Variants in ERICH6 observed in about 807,000 individuals in gnomAD.
ERICH6 encodes glutamate-rich protein 6.
In ERICH6, 71 loss-of-function variants were observed where a neutral mutation model predicts 71.0. The observed-to-expected ratio is 1.00, with a 90% CI of 0.83 to 1.22. ERICH6 has a LOEUF of 1.22. Among genes scored for constraint, ERICH6 ranks in the 50% most tolerant of loss-of-function variants. ERICH6 has a pLI of 0.00. For missense variants in ERICH6, 808 were observed against 797.2 expected (o/e 1.01, Z -0.16); for synonymous variants, 262 against 278.4 (o/e 0.94, Z 0.59).
intron 11 of ERICH6, among the ~76,000 whole-genome samples, chr3:150,670,187 T>C (rs1386214817): frequency 6.6e-6 from 1 of 152,060 alleles, no homozygotes; most frequent in Non-Finnish European, 1.5e-5. Context: ...AACATCGCAC[T>C]ATTAATAGAT....
intron 3 of ERICH6, among the ~76,000 whole-genome samples, chr3:150,691,038 G>A (rs372743691): frequency 7.2e-5 from 11 of 152,262 alleles, no homozygotes; most frequent in East Asian, 3.9e-4. Context: ...CTAGTTCAGC[G>A]TATGCCCAGG....
At chr3:150,675,584 G>T (rs896883883) in intron 10 of ERICH6, among the ~76,000 whole-genome samples, 1 of 152,106 alleles carries the variant, frequency 6.6e-6, no homozygotes, top group East Asian at 1.9e-4. Context: ...CCCTACCTTA[G>T]GTGGTCTGCC....
chr3:150,698,976 C>A (rs1477597795), intron 2 of ERICH6, 94 bp from the exon 3 acceptor site: 2 of 736,542 alleles, frequency 2.7e-6, no homozygotes, highest in East Asian at 5.2e-5. Flanking sequence ...AATTAATGCA[C>A]GTAGAAAATA....
chr3:150,679,852 T>C (rs908019099), intron 9 of ERICH6, among the ~76,000 whole-genome samples: 3 of 152,158 alleles, frequency 2.0e-5, no homozygotes, highest in Non-Finnish European at 2.9e-5. Context: ...GAGATGGGGT[T>C]TCACTATGTT....
At chr3:150,686,404 G>A in intron 3 of ERICH6, 50 bp from the exon 4 acceptor site, 1 of 1,516,992 alleles carries the variant, frequency 6.6e-7, no homozygotes, top group Non-Finnish European at 9.1e-7. Flanking sequence ...TAGAAAAGAA[G>A]CTGAATATAA....
At chr3:150,677,572 C>T (rs1711709089) in intron 10 of ERICH6, among the ~76,000 whole-genome samples, 1 of 151,926 alleles carries the variant, frequency 6.6e-6, no homozygotes, top group Admixed American at 6.6e-5. Context: ...TCTCGGTTCA[C>T]TGCAACCTCC....
chr3:150,692,071 T>C (rs1712461284), intron 3 of ERICH6, among the ~76,000 whole-genome samples: 1 of 152,190 alleles, frequency 6.6e-6, no homozygotes, highest in Non-Finnish European at 1.5e-5. Context: ...CACACTGATA[T>C]AAGACTAGCA....
At chr3:150,673,034 A>G (rs1711527350) in intron 11 of ERICH6, among the ~76,000 whole-genome samples, 1 of 151,982 alleles carries the variant, frequency 6.6e-6, no homozygotes, top group Non-Finnish European at 1.5e-5. Context: ...TAAAAAAACA[A>G]TAGTAATAAA....
chr3:150,662,163 C>T (rs1314426008), intron 13 of ERICH6, among the ~76,000 whole-genome samples: 2 of 152,124 alleles, frequency 1.3e-5, no homozygotes, highest in Non-Finnish European at 2.9e-5. Context: ...AAAAACAAAA[C>T]CCTCACTAAT....
intron 1 of ERICH6, among the ~76,000 whole-genome samples, chr3:150,702,426 G>A (rs1712924005): frequency 6.6e-6 from 1 of 152,072 alleles, no homozygotes; most frequent in East Asian, 1.9e-4. Context: ...ACAGGCGCAC[G>A]CCGCCACGCC....
intron 11 of ERICH6, among the ~76,000 whole-genome samples, chr3:150,672,725 CAT>C (rs1291529733): frequency 6.6e-6 from 1 of 151,026 alleles, no homozygotes; most frequent in South Asian, 2.1e-4. Flanking sequence ...GCCAAAAAAA[CAT>C]ATATTTTTAA....
intron 6 of ERICH6, among the ~76,000 whole-genome samples, chr3:150,685,457 T>G (rs1254320304): frequency 6.6e-6 from 1 of 152,094 alleles, no homozygotes; most frequent in South Asian, 2.1e-4. Flanking sequence ...AAGGGAGGAT[T>G]TTCCCCTATA....
intron 12 of ERICH6, among the ~76,000 whole-genome samples, chr3:150,668,767 A>G (rs538681791): frequency 6.6e-6 from 1 of 152,258 alleles, no homozygotes; most frequent in Non-Finnish European, 1.5e-5. Context: ...GTCACAGAGT[A>G]TATACATAGT....
At chr3:150,700,241 A>ATTTTTTT (rs34624356) in intron 2 of ERICH6, among the ~76,000 whole-genome samples, 905 of 109,946 alleles carry the variant, frequency 8.2e-3, no homozygotes, top group Non-Finnish European at 0.01. Flanking sequence ...TGCCCGGCTA[A>ATTTTTTT]TTTTTTTTTT....
In ERICH6 at chr3:150,698,877, A is replaced by T. The variant is rs1322787863; in HGVS notation, c.467T>A (p.Ile156Asn). The change falls in exon 3 of 14, where the codon ATT becomes AAT. Residue 156 changes from isoleucine to asparagine, a missense_variant. Transcript: ENST00000295910. Reference protein sequence around the residue: ...DMSEMSIDRNIHRNLSPGIPV... With the variant: ...DMSEMSIDRNNHRNLSPGIPV... Reference sequence around the variant, plus strand: ...AATTCCTGGAGACAAATTGCGATGAATATTTCTGAAATTTCGACAAAAATG... The same window carrying T: ...AATTCCTGGAGACAAATTGCGATGATTATTTCTGAAATTTCGACAAAAATG... The T allele has an allele frequency of 6.2e-7, 1 of 1,613,492 alleles. No homozygotes were observed. The highest frequency in any genetic ancestry group is 1.7e-5 in the Admixed American group (1 of 60,008).
At position 150,703,826 on chromosome 3, in the gene ERICH6, A is replaced by AC; in HGVS notation, c.72dup (p.Leu25ValfsTer47). 1 of 1,402,320 alleles carries AC rather than the reference A, an allele frequency of 7.1e-7. No individual in the cohort carries two copies. Among genetic ancestry groups the AC allele is most frequent in the East Asian group, 3.3e-5 (1 of 30,216 alleles). The allele number at this position is 1,402,320 out of a possible 1,614,324, so 86.9% of individuals were successfully genotyped here. A position where few individuals can be genotyped will look rare whatever the true frequency, so the allele number is the denominator to read the frequency against. ...TCTTCCTCCTCCTCCTCCTCCTCTA[A>AC]CTCCTCCTCTGACTCCTTCTGGTCC... On this transcript the variant is annotated frameshift_variant, in exon 1 of 14. Transcript: ENST00000295910. LOFTEE classifies it high-confidence loss of function.
chr3:150,683,608 G>A (rs950841194), intron 6 of ERICH6, among the ~76,000 whole-genome samples: 1 of 152,074 alleles, frequency 6.6e-6, no homozygotes, highest in Admixed American at 6.5e-5. Flanking sequence ...TCAAAAATTA[G>A]CCAGGCACGG....
chr3:150,682,124 T>C (rs981077228), intron 7 of ERICH6, 94 bp downstream of exon 7: 18 of 1,126,042 alleles, frequency 1.6e-5, no homozygotes, highest in East Asian at 2.4e-5. Flanking sequence ...CTAACTCTTT[T>C]AAAAATGGCA....
intron 10 of ERICH6, among the ~76,000 whole-genome samples, chr3:150,678,176 G>A (rs1711734370): frequency 6.6e-6 from 1 of 151,980 alleles, no homozygotes; most frequent in Non-Finnish European, 1.5e-5. Context: ...ATTTTCTAAG[G>A]GTTCCAAATG....
Sources: allele counts gnomAD v4.1 joint callset (sites outside exome capture counted in the v4.1 genomes callset), GRCh38; gene constraint gnomAD v4.1.1; transcripts MANE v1.5; gene names NCBI Gene and HGNC (gene_info 2026-07-23, HGNC 2026-07-21).